Variants in NCBP3 observed in about 807,000 individuals in gnomAD.
The protein encoded by NCBP3 is nuclear cap binding subunit 3, also known as nuclear cap-binding protein subunit 3.
NCBP3 carries 20 observed loss-of-function variants against 75.7 expected under a neutral mutation model. The ratio of observed to expected loss-of-function variants is 0.26; its 90% CI spans 0.19 to 0.38. The LOEUF is 0.38. Among genes scored for constraint, NCBP3 ranks in the 10% least tolerant of loss-of-function variants. The pLI is 1.00. For synonymous variants in NCBP3, 293 were observed against 290.5 expected, an observed-to-expected ratio of 1.01 and a Z score of -0.09; for missense variants, 678 against 796.9, an observed-to-expected ratio of 0.85 and a Z score of 1.80.
At chr17:3,834,783 G>A (rs1412329448) in intron 3 of NCBP3, among the ~76,000 whole-genome samples, 1 of 151,340 alleles carries the variant, frequency 6.6e-6, no homozygotes, top group Non-Finnish European at 1.5e-5. Flanking sequence ...TTTCCCACAG[G>A]AAATGACAAC....
chr17:3,804,389 A>G lies in NCBP3; in HGVS notation c.*8655T>C, dbSNP rs1431497926. ...TGGTGAAACCCTGTCTTTACTAAAA[A>G]CACAAAAAATTAGCCAGGCGTGGCA... On this transcript the variant is annotated 3_prime_UTR_variant, in exon 13 of 13. Transcript: ENST00000389005. 2.0e-5 allele frequency: 3 copies of G among 151,418 alleles called. No homozygotes were observed. The highest frequency in any genetic ancestry group is 7.3e-5 in the African/African-American group (3 of 41,172). The allele number at this position is 151,418 out of a possible 1,614,324, so 9.4% of individuals were successfully genotyped here. A position where few individuals can be genotyped will look rare whatever the true frequency, so the allele number is the denominator to read the frequency against.
intron 10 of NCBP3, among the ~76,000 whole-genome samples, chr17:3,817,963 C>G (rs1021801464): frequency 1.4e-5 from 2 of 142,730 alleles, no homozygotes; most frequent in Non-Finnish European, 3.0e-5. Flanking sequence ...TTTCCCTGTG[C>G]CATACACACA....
chr17:3,828,039 C>G (rs1414904346), intron 4 of NCBP3, among the ~76,000 whole-genome samples: 1 of 152,232 alleles, frequency 6.6e-6, no homozygotes, highest in Non-Finnish European at 1.5e-5. Context: ...CTGCCTCAGC[C>G]TCCTGAATAG....
chr17:3,820,566 C>CACT (rs2053642358), intron 9 of NCBP3, among the ~76,000 whole-genome samples: 2 of 152,202 alleles, frequency 1.3e-5, no homozygotes, highest in Non-Finnish European at 2.9e-5. Flanking sequence ...AAGCACAAAG[C>CACT]ACTCAACACA....
At chr17:3,825,360 T>C (rs1428096520) in intron 6 of NCBP3, among the ~76,000 whole-genome samples, 1 of 152,214 alleles carries the variant, frequency 6.6e-6, no homozygotes, top group Non-Finnish European at 1.5e-5. Context: ...GCCAGGACTT[T>C]GTTTTGCTTG....
Position 3,804,239 on chromosome 17 carries a change from G to T in NCBP3, c.*8805C>A, listed in dbSNP as rs1006506764. The T allele has an allele frequency of 1.3e-5, 2 of 151,890 alleles. No homozygotes were observed. Among genetic ancestry groups the T allele is most frequent in the African/African-American group, 2.4e-5 (1 of 41,312 alleles). 9.4% of individuals were successfully genotyped at this position (151,890 alleles called of 1,614,324 possible). A position where few individuals can be genotyped will look rare whatever the true frequency, so the allele number is the denominator to read the frequency against. The stretch of plus-strand genomic sequence containing the variant: ...GTTCATGGATGGAGGAGACGTGCTC[G>T]GCGTGAGGTGAAAGGGCTGCCTGTG... On this transcript the variant is annotated 3_prime_UTR_variant, in exon 13 of 13. Transcript: ENST00000389005.
intron 3 of NCBP3, among the ~76,000 whole-genome samples, chr17:3,832,404 C>A (rs8068160): frequency 1.7e-5 from 2 of 117,568 alleles, no homozygotes; most frequent in African/African-American, 2.6e-5. Flanking sequence ...GAGGCCGGGG[C>A]GGGCAGATCA....
chr17:3,812,812 G>A lies in NCBP3; in HGVS notation c.*232C>T, dbSNP rs571704564. The A allele has an allele frequency of 3.6e-6, 5 of 1,373,298 alleles. No homozygotes were observed. Among genetic ancestry groups the A allele is most frequent in the African/African-American group, 2.9e-5 (2 of 68,638 alleles). The allele number at this position is 1,373,298 out of a possible 1,614,324, so 85.1% of individuals were successfully genotyped here. A position where few individuals can be genotyped will look rare whatever the true frequency, so the allele number is the denominator to read the frequency against. ...TTTCTCAAAGGGTAAAGCCTGTGGG[G>A]TGGTGGGAAAGGAATCGAGGGCCCA... On this transcript the variant is annotated 3_prime_UTR_variant, in exon 13 of 13. Transcript: ENST00000389005.
chr17:3,843,779 C>A (rs1056988816), intron 1 of NCBP3, among the ~76,000 whole-genome samples: 1 of 152,120 alleles, frequency 6.6e-6, no homozygotes. Context: ...CTCCTGACCT[C>A]GGTGATCCGT....
rs146685031 is a variant in NCBP3 at position 3,814,864 on chromosome 17, A to G, written c.1466-381T>C. Reference sequence around the variant, plus strand: ...CATACAAGTAGTTCCCAATAAACTTATTACATTTAACCAGTAAATATAAAG... The same window carrying G: ...CATACAAGTAGTTCCCAATAAACTTGTTACATTTAACCAGTAAATATAAAG... On this transcript the variant is annotated intron_variant, in intron 11 of 12. Coordinates refer to ENST00000389005, the MANE Select transcript of NCBP3 (RefSeq NM_001114118.3). Among the ~76,000 whole-genome samples, 97 of 152,338 alleles carry G rather than the reference A, an allele frequency of 6.4e-4. No individual in the cohort carries two copies. The East Asian group carries it at 0.014, about 23-fold the overall frequency.
rs2053278549 is a variant in NCBP3 at position 3,802,454 on chromosome 17, G to A, written c.*10590C>T. The A allele has an allele frequency of 6.6e-6, 1 of 152,210 alleles. No individual in the cohort carries two copies. Among genetic ancestry groups the A allele is most frequent in the Non-Finnish European group, 1.5e-5 (1 of 68,042 alleles). The allele number at this position is 152,210 out of a possible 1,614,324, so 9.4% of individuals were successfully genotyped here. On this transcript the variant is annotated 3_prime_UTR_variant, in exon 13 of 13. Coordinates refer to ENST00000389005, the MANE Select transcript of NCBP3 (RefSeq NM_001114118.3). ...TGACTACTAGATCTTGCTCGGTTAT[G>A]TGAGATTACAATTCACCGGTTTCCA...
chr17:3,836,654 CAAAA>C (rs56253811), intron 3 of NCBP3, among the ~76,000 whole-genome samples: 9 of 90,244 alleles, frequency 1.0e-4, no homozygotes, highest in Admixed American at 1.2e-4. Flanking sequence ...CTCCGTCTCT[CAAAA>C]AAAAAAAAAA....
chr17:3,842,822 C>G (rs983435365), intron 2 of NCBP3, among the ~76,000 whole-genome samples: 1 of 152,114 alleles, frequency 6.6e-6, no homozygotes, highest in African/African-American at 2.4e-5. Context: ...ATTTTTGTAT[C>G]TTTCGTAGAG....
intron 6 of NCBP3, 58 bp downstream of exon 6, chr17:3,825,706 TAAA>T: frequency 7.8e-7 from 1 of 1,279,476 alleles, no homozygotes; most frequent in Non-Finnish European, 1.1e-6. Flanking sequence ...AGGCTTAAGT[TAAA>T]AAGACAGTGA....
chr17:3,816,548 G>A (rs147277275), intron 10 of NCBP3, among the ~76,000 whole-genome samples: 1 of 152,228 alleles, frequency 6.6e-6, no homozygotes, highest in Non-Finnish European at 1.5e-5. Flanking sequence ...CCTTTTCTGG[G>A]ACAAACGTTA....
intron 8 of NCBP3, 131 bp downstream of exon 8, chr17:3,821,822 C>G (rs1001214722): frequency 2.0e-5 from 13 of 665,666 alleles, no homozygotes; most frequent in Middle Eastern, 5.1e-4. Flanking sequence ...TTTACCACAT[C>G]TAAGAATCTT....
At chr17:3,838,610 A>G (rs1254727743) in intron 3 of NCBP3, among the ~76,000 whole-genome samples, 1 of 152,222 alleles carries the variant, frequency 6.6e-6, no homozygotes, top group African/African-American at 2.4e-5. Context: ...ATCAGTCGAT[A>G]GCACCACATC....
chr17:3,843,245 T>A lies in NCBP3; in HGVS notation c.184-94A>T. The A allele has an allele frequency of 5.6e-6, 3 of 536,146 alleles. No homozygotes were observed. In the South Asian group the frequency reaches 1.1e-4, roughly 19 times the overall value. The allele number at this position is 536,146 out of a possible 1,614,324, so 33.2% of individuals were successfully genotyped here. On this transcript the variant is annotated intron_variant, in intron 1 of 12. Transcript: ENST00000389005. ...TGACATCTGCAGGTTCTTTTTTCCT[T>A]TTTTTTTTTTTTTTGTTGGTGACAG...
rs2143626788 is a variant in NCBP3, at chr17:3,811,449, T to C, written c.*1595A>G. On this transcript the variant is annotated 3_prime_UTR_variant, in exon 13 of 13. Transcript: ENST00000389005. ...CCTAATAAGAAGCTGAAATATATCATGGTTATATCCTCTAATCTCTCTAAA... is the reference window on the plus strand; with the variant it reads ...CCTAATAAGAAGCTGAAATATATCACGGTTATATCCTCTAATCTCTCTAAA... 6.6e-6 allele frequency: 1 copy of C among 152,326 alleles called. No individual in the cohort carries two copies. Among genetic ancestry groups the C allele is most frequent in the East Asian group, 1.9e-4 (1 of 5,190 alleles). 9.4% of individuals were successfully genotyped at this position (152,326 alleles called of 1,614,324 possible).
Sources: allele counts gnomAD v4.1 joint callset (sites outside exome capture counted in the v4.1 genomes callset), GRCh38; gene constraint gnomAD v4.1.1; transcripts MANE v1.5; gene names NCBI Gene and HGNC (gene_info 2026-07-23, HGNC 2026-07-21).